AHRR: variants seen among roughly 807,000 people sequenced by gnomAD.
AHRR encodes the protein ahR repressor.
A neutral mutation model predicts 44.0 loss-of-function variants in AHRR; 28 were observed. That is an observed-to-expected ratio of 0.64 (90% CI 0.47 to 0.87). The LOEUF (loss-of-function observed/expected upper bound fraction) is 0.87, where lower values mean the gene tolerates loss of function less well. Ranked by LOEUF, AHRR falls within the 40% of genes least tolerant of loss-of-function variation. The pLI is 0.00. For synonymous variants in AHRR, 434 were observed against 407.0 expected (o/e 1.07, Z -0.80); for missense variants, 990 against 953.9 (o/e 1.04, Z -0.50).
intron 1 of AHRR, among the ~76,000 whole-genome samples, chr5:323,197 G>C (rs926307796): frequency 1.3e-5 from 2 of 152,268 alleles, no homozygotes; most frequent in Non-Finnish European, 2.9e-5. Flanking sequence ...GTCCCAGGCA[G>C]AGAAGAACGC....
At chr5:431,808 A>T (rs1487062376) in intron 8 of AHRR, among the ~76,000 whole-genome samples, 2 of 152,146 alleles carry the variant, frequency 1.3e-5, no homozygotes, top group Admixed American at 6.5e-5. Flanking sequence ...ATGGACATAG[A>T]TGGGGCATTG....
At chr5:423,448 T>A (rs1736226219) in intron 6 of AHRR, among the ~76,000 whole-genome samples, 1 of 152,306 alleles carries the variant, frequency 6.6e-6, no homozygotes, top group Middle Eastern at 3.4e-3. Flanking sequence ...CCCGCGGTCC[T>A]GTGCAGAGGG....
chr5:340,664 T>TTTTATATATATATATATATA (rs1371883487), intron 1 of AHRR, among the ~76,000 whole-genome samples: 2 of 31,962 alleles, frequency 6.3e-5, no homozygotes, highest in African/African-American at 4.4e-4. Context: ...CACAGCAATA[T>TTTTATATATATATATATATA]TATATATATA....
intron 5 of AHRR, among the ~76,000 whole-genome samples, chr5:414,789 A>G (rs756224252): frequency 3.9e-5 from 6 of 152,264 alleles, no homozygotes; most frequent in Admixed American, 6.5e-5. Context: ...AGAGAGTAGT[A>G]TATTAGGGTT....
chr5:432,171 T>G, intron 8 of AHRR: 1 of 376,568 alleles, frequency 2.7e-6, no homozygotes, highest in Non-Finnish European at 4.9e-6. Flanking sequence ...GAAAAAAATA[T>G]AAGCTCTAAA....
At chr5:400,659 A>C (rs930972920) in intron 4 of AHRR, among the ~76,000 whole-genome samples, 1 of 152,190 alleles carries the variant, frequency 6.6e-6, no homozygotes. Context: ...CATGTGTAAA[A>C]GTATTTGGCA....
At chr5:403,865 CT>C in intron 4 of AHRR, 1 of 1,588,500 alleles carries the variant, frequency 6.3e-7, no homozygotes, top group Non-Finnish European at 8.6e-7. Context: ...CACATTAAAG[CT>C]TTTCCTCCTT....
chr5:390,814 A>C (rs1734383415), intron 4 of AHRR, among the ~76,000 whole-genome samples: 1 of 152,186 alleles, frequency 6.6e-6, no homozygotes, highest in Non-Finnish European at 1.5e-5. Context: ...AATGATCCAG[A>C]GACAGAGACC....
At chr5:372,207 C>A (rs1220577267) in intron 3 of AHRR, among the ~76,000 whole-genome samples, 3 of 152,178 alleles carry the variant, frequency 2.0e-5, no homozygotes, top group Non-Finnish European at 4.4e-5. Context: ...GCGGGGCCAC[C>A]CCTGCTGATC....
Position 437,881 on chromosome 5 carries a change from C to G in AHRR, c.*3047C>G, listed in dbSNP as rs1216521230. On this transcript the variant is annotated 3_prime_UTR_variant, in exon 11 of 11. Transcript: ENST00000684583. ...CTTTGGTTATTTTATAGCCACAACCCTCTTGGAAAACAGTGGGGAAGACTA... is the reference window on the plus strand; with the variant it reads ...CTTTGGTTATTTTATAGCCACAACCGTCTTGGAAAACAGTGGGGAAGACTA... 1 of 152,450 alleles carries G rather than the reference C, an allele frequency of 6.6e-6. No individual in the cohort carries two copies. Among genetic ancestry groups the G allele is most frequent in the South Asian group, 2.1e-4 (1 of 4,824 alleles). The allele number at this position is 152,450 out of a possible 1,614,324, so 9.4% of individuals were successfully genotyped here. A position where few individuals can be genotyped will look rare whatever the true frequency, so the allele number is the denominator to read the frequency against.
At position 436,088 on chromosome 5, in the gene AHRR, C is replaced by T. The variant is rs112382261; in HGVS notation, c.*1254C>T. On this transcript the variant is annotated 3_prime_UTR_variant, in exon 11 of 11. Transcript: ENST00000684583. ...GTGGCTGCAGCTGGGCCCACCTGTGCGGGGGTGGGAAGGCCCCATCCTCAG... is the reference window on the plus strand; with the variant it reads ...GTGGCTGCAGCTGGGCCCACCTGTGTGGGGGTGGGAAGGCCCCATCCTCAG... 1.4e-3 allele frequency: 210 copies of T among 152,612 alleles called. No individual in the cohort carries two copies. The highest frequency in any genetic ancestry group is 4.8e-3 in the African/African-American group (199 of 41,324). 9.5% of individuals were successfully genotyped at this position (152,612 alleles called of 1,614,324 possible). A position where few individuals can be genotyped will look rare whatever the true frequency, so the allele number is the denominator to read the frequency against.
intron 3 of AHRR, among the ~76,000 whole-genome samples, chr5:363,810 C>G (rs896239374): frequency 3.9e-5 from 6 of 152,194 alleles, no homozygotes; most frequent in Admixed American, 1.3e-4. Context: ...AGCACTGCCC[C>G]CCTCTCCCAA....
At chr5:374,173 C>A (rs1021268713) in intron 3 of AHRR, among the ~76,000 whole-genome samples, 21 of 152,040 alleles carry the variant, frequency 1.4e-4, no homozygotes, top group South Asian at 4.1e-4. Flanking sequence ...CCGCGCTGCC[C>A]CAGCCCGCGG....
intron 1 of AHRR, among the ~76,000 whole-genome samples, chr5:333,053 C>G (rs989638815): frequency 2.6e-5 from 4 of 151,524 alleles, no homozygotes; most frequent in African/African-American, 9.7e-5. Flanking sequence ...CCACCCCCCG[C>G]CTTTACTTTC....
chr5:422,981 C>T (rs963932426), intron 6 of AHRR, 123 bp downstream of exon 6: 27 of 1,315,794 alleles, frequency 2.1e-5, no homozygotes, highest in African/African-American at 1.3e-4. Context: ...TTGACCTTAG[C>T]GCCAAATCTC....
intron 4 of AHRR, among the ~76,000 whole-genome samples, chr5:409,011 G>A (rs892404657): frequency 3.3e-5 from 5 of 152,146 alleles, no homozygotes; most frequent in Admixed American, 6.5e-5. Context: ...GCCACACCCA[G>A]GGAACCACTT....
intron 4 of AHRR, among the ~76,000 whole-genome samples, chr5:391,145 G>A (rs1734398332): frequency 6.6e-6 from 1 of 152,246 alleles, no homozygotes; most frequent in Non-Finnish European, 1.5e-5. Flanking sequence ...CAGCGGTGGT[G>A]TGAGTGAGTA....
rs1216959399 is a variant in AHRR, at chr5:398,184, CCTGACCATCCACGTAGCT to C, written c.352-15158_352-15141del. Among the ~76,000 whole-genome samples the C allele has an allele frequency of 4.5e-4, 61 of 136,478 alleles. 6 individuals are homozygous for C. The highest frequency in any genetic ancestry group is 1.6e-3 in the African/African-American group (52 of 31,674). The allele number at this position is 136,478 out of a possible 152,430, so 89.5% of individuals were successfully genotyped here. On this transcript the variant is annotated intron_variant, in intron 4 of 10. Coordinates refer to ENST00000684583, the MANE Select transcript of AHRR (RefSeq NM_001377236.1). ...GTAGCCCCTGACCATCCACGTAGCT[CCTGACCATCCACGTAGCT>C]CCTGACCATCCACGTAGCTCCTGAC... is the stretch of plus-strand genomic sequence containing the variant.
At chr5:334,779 G>A (rs926950883) in intron 1 of AHRR, among the ~76,000 whole-genome samples, 1 of 151,966 alleles carries the variant, frequency 6.6e-6, no homozygotes, top group Non-Finnish European at 1.5e-5. Flanking sequence ...TGTTTCTTGT[G>A]TCTTTATGTT....
Sources: gnomAD v4.1 joint callset for allele counts (sites outside exome capture counted in the v4.1 genomes callset) on GRCh38, gnomAD v4.1.1 for gene constraint, MANE v1.5 for transcripts, NCBI Gene and HGNC (gene_info 2026-07-23, HGNC 2026-07-21) for gene names.